Variants in SPAG16 observed in about 807,000 individuals in gnomAD.
The protein encoded by SPAG16 is sperm-associated antigen 16 protein.
Under a neutral mutation model 80.4 loss-of-function variants are expected in SPAG16, and 86 were observed. That is an observed-to-expected ratio of 1.07 (90% CI 0.90 to 1.28). SPAG16 has a LOEUF of 1.28. Among genes scored for constraint, SPAG16 ranks in the 50% most tolerant of loss-of-function variants. The pLI is 0.00. For synonymous variants in SPAG16, 294 were observed against 265.9 expected, an observed-to-expected ratio of 1.11 and a Z score of -1.03; for missense variants, 870 against 765.3, an observed-to-expected ratio of 1.14 and a Z score of -1.61.
At chr2:213,867,701 T>A (rs2105969944) in intron 11 of SPAG16, among the ~76,000 whole-genome samples, 1 of 151,756 alleles carries the variant, frequency 6.6e-6, no homozygotes, top group South Asian at 2.1e-4. Context: ...GGCGGGCGGA[T>A]CATGAGGTCA....
chr2:213,669,545 G>C (rs1338952940), intron 10 of SPAG16, among the ~76,000 whole-genome samples: 1 of 152,138 alleles, frequency 6.6e-6, no homozygotes, highest in East Asian at 1.9e-4. Flanking sequence ...CAGATGTTTT[G>C]CTAAGCCTTT....
chr2:214,003,429 G>A lies in SPAG16; in HGVS notation c.1401-10522G>A, dbSNP rs138361871. On this transcript the variant is annotated intron_variant, in intron 12 of 15. Transcript: ENST00000331683. Reference sequence around the variant, plus strand: ...TCTTATGTGAACAATCAGGAAGGTAGTATAATGGTTAAAAGAACATAGTCT... The same window carrying A: ...TCTTATGTGAACAATCAGGAAGGTAATATAATGGTTAAAAGAACATAGTCT... Among the ~76,000 whole-genome samples the A allele has an allele frequency of 1.7e-4, 26 of 152,296 alleles. No homozygotes were observed. In the East Asian group the frequency reaches 4.2e-3, roughly 25 times the overall value.
rs116288532 is a variant in SPAG16 at position 213,841,621 on chromosome 2, A to C, written c.1071-20864A>C. On this transcript the variant is annotated intron_variant, in intron 10 of 15. Coordinates refer to ENST00000331683, the MANE Select transcript of SPAG16 (RefSeq NM_024532.5). The stretch of plus-strand genomic sequence containing the variant: ...TTTCATTATTTTTCTGGTTTAAGAT[A>C]GATTTATATTGTTAGGTTAATGTAG... Among the ~76,000 whole-genome samples, 844 of 152,298 alleles carry C rather than the reference A, an allele frequency of 5.5e-3. 5 individuals carry two copies. Among genetic ancestry groups the C allele is most frequent in the African/African-American group, 0.019 (779 of 41,588 alleles).
chr2:213,583,709 G>A (rs986962702), intron 10 of SPAG16, among the ~76,000 whole-genome samples: 1 of 152,048 alleles, frequency 6.6e-6, no homozygotes, highest in Non-Finnish European at 1.5e-5. Context: ...AAGAAAAAAA[G>A]CAATAGTTTT....
intron 15 of SPAG16, among the ~76,000 whole-genome samples, chr2:214,283,837 AT>A (rs1365688660): frequency 6.6e-6 from 1 of 152,168 alleles, no homozygotes; most frequent in African/African-American, 2.4e-5. Context: ...AGCTCTGCTT[AT>A]TTGTACAATA....
chr2:214,010,170 G>A, intron 12 of SPAG16, among the ~76,000 whole-genome samples: 1 of 145,676 alleles, frequency 6.9e-6, no homozygotes. Flanking sequence ...AAAAAGATCA[G>A]GAAACAAGTG....
chr2:213,722,749 A>G (rs575216405), intron 10 of SPAG16, among the ~76,000 whole-genome samples: 1 of 152,280 alleles, frequency 6.6e-6, no homozygotes, highest in South Asian at 2.1e-4. Flanking sequence ...TTGACTCTGA[A>G]TTGTCAGTGA....
intron 9 of SPAG16, among the ~76,000 whole-genome samples, chr2:213,381,037 A>G (rs988392880): frequency 6.6e-6 from 1 of 152,220 alleles, no homozygotes; most frequent in Non-Finnish European, 1.5e-5. Flanking sequence ...ATACAATCAG[A>G]AGCCAGGGAA....
chr2:213,349,032 CA>C (rs1197802430), intron 6 of SPAG16, among the ~76,000 whole-genome samples: 1 of 152,090 alleles, frequency 6.6e-6, no homozygotes, highest in Non-Finnish European at 1.5e-5. Flanking sequence ...TGACCACAAC[CA>C]AATTAAATTA....
chr2:213,771,831 C>G lies in SPAG16; in HGVS notation c.1071-90654C>G, dbSNP rs1303249546. On this transcript the variant is annotated intron_variant, in intron 10 of 15. Transcript: ENST00000331683. ...TATGTGTCAGTTTTGGTACCAGTAC[C>G]ATGCTGTTTGGTTACTGTAGCCTTG... Among the ~76,000 whole-genome samples the G allele has an allele frequency of 2.0e-5, 3 of 152,150 alleles. No individual in the cohort carries two copies. In the South Asian group the frequency reaches 6.2e-4, roughly 31 times the overall value.
At chr2:214,004,276 G>A (rs935797154) in intron 12 of SPAG16, among the ~76,000 whole-genome samples, 3 of 152,080 alleles carry the variant, frequency 2.0e-5, no homozygotes, top group African/African-American at 7.2e-5. Flanking sequence ...AAGGAGGACT[G>A]GGCATTTTAA....
At chr2:213,562,357 T>C (rs1461632998) in intron 10 of SPAG16, among the ~76,000 whole-genome samples, 1 of 152,212 alleles carries the variant, frequency 6.6e-6, no homozygotes, top group Non-Finnish European at 1.5e-5. Context: ...TTAGTAGCCA[T>C]AGAACAGTTC....
chr2:213,483,792 T>C (rs1467840686), intron 9 of SPAG16, among the ~76,000 whole-genome samples: 3 of 152,252 alleles, frequency 2.0e-5, no homozygotes, highest in Admixed American at 6.5e-5. Context: ...AATAGGCACT[T>C]ACTTAACTTT....
chr2:214,113,920 T>C (rs533635506), intron 14 of SPAG16, among the ~76,000 whole-genome samples: 19 of 152,350 alleles, frequency 1.2e-4, no homozygotes, highest in African/African-American at 4.6e-4. Context: ...TTTATAGAAT[T>C]TTCAGCTTTT....
At position 214,234,078 on chromosome 2, in the gene SPAG16, C is replaced by CG. The variant is rs201800104; in HGVS notation, c.1720+84812_1720+84813insG. 1.9e-3 allele frequency among the ~76,000 whole-genome samples: 294 copies of CG among 151,824 alleles called. 1 individual carries two copies. The highest frequency in any genetic ancestry group is 2.6e-3 in the Admixed American group (39 of 15,168). ...TAGGCCCCAGTATGTGTTGTTTCCCCCCCCATGTGTCCATGTGTTCTCATT... is the reference window on the plus strand; with the variant it reads ...TAGGCCCCAGTATGTGTTGTTTCCCCGCCCCATGTGTCCATGTGTTCTCATT... On this transcript the variant is annotated intron_variant, in intron 15 of 15. Transcript: ENST00000331683.
intron 10 of SPAG16, among the ~76,000 whole-genome samples, chr2:213,663,645 T>C (rs547597878): frequency 7.2e-5 from 11 of 152,226 alleles, no homozygotes; most frequent in Admixed American, 4.6e-4. Flanking sequence ...ACAAGAAACA[T>C]TGAAACATTT....
chr2:214,042,266 G>T (rs1391397177), intron 13 of SPAG16, among the ~76,000 whole-genome samples: 2 of 151,344 alleles, frequency 1.3e-5, no homozygotes, highest in Non-Finnish European at 2.9e-5. Context: ...GCTAATTTCA[G>T]CTGGAAGTTT....
intron 12 of SPAG16, among the ~76,000 whole-genome samples, chr2:213,974,066 G>A (rs1231287446): frequency 6.6e-6 from 1 of 152,066 alleles, no homozygotes; most frequent in Non-Finnish European, 1.5e-5. Flanking sequence ...GATTTTTATA[G>A]TTAGTGATAA....
chr2:213,702,890 C>T (rs143252860), intron 10 of SPAG16, among the ~76,000 whole-genome samples: 56 of 152,280 alleles, frequency 3.7e-4, no homozygotes, highest in African/African-American at 1.3e-3. Flanking sequence ...AGCACTCAGA[C>T]CCAAGGAGGT....
Sources: gnomAD v4.1 joint callset for allele counts (sites outside exome capture counted in the v4.1 genomes callset) on GRCh38, gnomAD v4.1.1 for gene constraint, MANE v1.5 for transcripts, NCBI Gene and HGNC (gene_info 2026-07-23, HGNC 2026-07-21) for gene names.